The following JMJD1C variants were observed in gnomAD, a reference collection of about 807,000 sequenced individuals.
JMJD1C encodes jumonji domain-containing protein 1C.
In JMJD1C, 31 loss-of-function variants were observed where a neutral mutation model predicts 245.3. That is an observed-to-expected ratio of 0.13 (90% CI 0.09 to 0.17). The LOEUF is 0.17. JMJD1C is among the 10% of genes least tolerant of loss of function. The probability of loss-of-function intolerance (pLI) is 1.00; values close to 1 mark genes in which losing one functional copy is unlikely to be tolerated. For missense variants in JMJD1C, 2,691 were observed against 3,000.2 expected, an observed-to-expected ratio of 0.90 and a Z score of 2.41; for synonymous variants, 1,057 against 1,017.4, an observed-to-expected ratio of 1.04 and a Z score of -0.74.
At chr10:63,297,735 G>A (rs1394784238) in intron 2 of JMJD1C, among the ~76,000 whole-genome samples, 1 of 152,182 alleles carries the variant, frequency 6.6e-6, no homozygotes, top group Non-Finnish European at 1.5e-5. Flanking sequence ...AACAGGGCCG[G>A]GCCAGCCCAG....
At chr10:63,342,909 T>C (rs1480071705) in intron 2 of JMJD1C, among the ~76,000 whole-genome samples, 3 of 152,194 alleles carry the variant, frequency 2.0e-5, no homozygotes, top group African/African-American at 7.2e-5. Flanking sequence ...GTATATAAGG[T>C]GTATACAAAA....
chr10:63,325,089 A>G (rs1304824335), intron 2 of JMJD1C, among the ~76,000 whole-genome samples: 3 of 152,238 alleles, frequency 2.0e-5, no homozygotes, highest in Non-Finnish European at 2.9e-5. Context: ...TAGATGTCCT[A>G]TTAGGGACAA....
intron 3 of JMJD1C, among the ~76,000 whole-genome samples, chr10:63,257,941 TAA>T (rs1443741276): frequency 6.6e-6 from 1 of 152,194 alleles, no homozygotes; most frequent in Non-Finnish European, 1.5e-5. Flanking sequence ...AAAAAAATGC[TAA>T]GAGTTCTAGG....
At chr10:63,489,186 G>A (rs1954090708) in intron 1 of JMJD1C, among the ~76,000 whole-genome samples, 1 of 152,152 alleles carries the variant, frequency 6.6e-6, no homozygotes, top group African/African-American at 2.4e-5. Context: ...GATCACCTGA[G>A]GTCAGGAGTT....
chr10:63,269,048 T>C, intron 2 of JMJD1C: 1 of 985,416 alleles, frequency 1.0e-6, no homozygotes, highest in Non-Finnish European at 1.2e-6. Context: ...CACTACTGCA[T>C]CCTCCGATCT....
At chr10:63,513,666 A>G (rs1954934928) in intron 1 of JMJD1C, among the ~76,000 whole-genome samples, 1 of 152,174 alleles carries the variant, frequency 6.6e-6, no homozygotes, top group Non-Finnish European at 1.5e-5. Context: ...TAATCCCAGC[A>G]CTTTGGGAGG....
intron 3 of JMJD1C, among the ~76,000 whole-genome samples, chr10:63,243,124 T>TATATATATATATAC (rs1491362612): frequency 1.2e-5 from 1 of 85,744 alleles, no homozygotes; most frequent in African/African-American, 2.9e-5. Context: ...TATATATATA[T>TATATATATATATAC]AAATATATAT....
At chr10:63,384,332 C>CA (rs763484350) in intron 1 of JMJD1C, among the ~76,000 whole-genome samples, 4 of 152,150 alleles carry the variant, frequency 2.6e-5, no homozygotes, top group Non-Finnish European at 4.4e-5. Flanking sequence ...AAAAGGTTTT[C>CA]AGTTTACTTT....
At chr10:63,293,526 A>C (rs1202952222) in intron 2 of JMJD1C, among the ~76,000 whole-genome samples, 1 of 152,172 alleles carries the variant, frequency 6.6e-6, no homozygotes, top group African/African-American at 2.4e-5. Context: ...TCAAAAATAC[A>C]CAATCAACAC....
At chr10:63,265,962 G>C (rs1855526420) in intron 2 of JMJD1C, among the ~76,000 whole-genome samples, 2 of 151,918 alleles carry the variant, frequency 1.3e-5, no homozygotes, top group Admixed American at 6.6e-5. Context: ...CAAGATGTTT[G>C]GTTTGGAGTG....
At chr10:63,388,314 G>A (rs1301130590) in intron 1 of JMJD1C, among the ~76,000 whole-genome samples, 2 of 150,022 alleles carry the variant, frequency 1.3e-5, no homozygotes, top group Non-Finnish European at 3.0e-5. Context: ...CAGGGCAGAA[G>A]ACAATGGGAT....
At chr10:63,322,622 G>A (rs1312701459) in intron 2 of JMJD1C, among the ~76,000 whole-genome samples, 3 of 151,960 alleles carry the variant, frequency 2.0e-5, no homozygotes, top group African/African-American at 7.3e-5. Flanking sequence ...AGACCAGCCT[G>A]ACCAACATGG....
rs147184670 is a variant in JMJD1C, at chr10:63,340,660, A to C, written c.333+39658T>G. ...TAATATAACGTGAAGAAACAAAAGG[A>C]TAGGCCAGGCGCAGTGGCTCACCCC... On this transcript the variant is annotated intron_variant, in intron 2 of 25. Transcript: ENST00000399262. Among the ~76,000 whole-genome samples, 5 of 152,226 alleles carry C rather than the reference A, an allele frequency of 3.3e-5. 1 individual carries two copies. In the East Asian group the frequency reaches 9.7e-4, roughly 29 times the overall value.
rs988175830 is a variant in JMJD1C, at chr10:63,398,162, T to A, written c.169-17680A>T. Among the ~76,000 whole-genome samples, 6 of 152,286 alleles carry A rather than the reference T, an allele frequency of 3.9e-5. No individual in the cohort carries two copies. The South Asian group carries it at 8.3e-4, about 21-fold the overall frequency. On this transcript the variant is annotated intron_variant, in intron 1 of 25. Coordinates refer to ENST00000399262, the MANE Select transcript of JMJD1C (RefSeq NM_032776.3). The stretch of plus-strand genomic sequence containing the variant: ...CAAGTTTCCCAGGTTGGGTTGTTTG[T>A]TTTTCTTGTTTTTACAGTTTGTTCA...
At chr10:63,374,431 ATAAT>A (rs1260259595) in intron 2 of JMJD1C, among the ~76,000 whole-genome samples, 1 of 152,226 alleles carries the variant, frequency 6.6e-6, no homozygotes, top group African/African-American at 2.4e-5. Context: ...CTGCAAATAA[ATAAT>A]TAATGCTTAC....
chr10:63,512,256 C>T (rs1954892999), intron 1 of JMJD1C, among the ~76,000 whole-genome samples: 1 of 151,884 alleles, frequency 6.6e-6, no homozygotes, highest in South Asian at 2.1e-4. Flanking sequence ...AAGATTCAAG[C>T]TTCTGACCTA....
chr10:63,465,347 T>A, intron 1 of JMJD1C, 148 bp downstream of exon 1: 1 of 802,586 alleles, frequency 1.2e-6, no homozygotes, highest in Non-Finnish European at 1.9e-6. Context: ...AGGCAAGGGA[T>A]GCGGGCAAAC....
At chr10:63,342,515 C>G (rs1331008097) in intron 2 of JMJD1C, among the ~76,000 whole-genome samples, 2 of 152,304 alleles carry the variant, frequency 1.3e-5, no homozygotes, top group South Asian at 2.1e-4. Flanking sequence ...TTTCTTCTCA[C>G]CTAAAAGAAA....
intron 1 of JMJD1C, among the ~76,000 whole-genome samples, chr10:63,438,066 C>A (rs1160927231): frequency 2.6e-5 from 4 of 152,126 alleles, no homozygotes; most frequent in Non-Finnish European, 4.4e-5. Flanking sequence ...CCAGCCTAGA[C>A]CTCTCCCTTT....
Sources: allele counts gnomAD v4.1 joint callset (sites outside exome capture counted in the v4.1 genomes callset), GRCh38; gene constraint gnomAD v4.1.1; transcripts MANE v1.5; gene names NCBI Gene and HGNC (gene_info 2026-07-23, HGNC 2026-07-21).